Variants in KCNH5 observed in about 807,000 individuals in gnomAD.
KCNH5 encodes the protein voltage-gated delayed rectifier potassium channel KCNH5.
In KCNH5, 46 loss-of-function variants were observed where a neutral mutation model predicts 96.1. The observed-to-expected ratio is 0.48, with a 90% CI of 0.38 to 0.61. The LOEUF is 0.61. Among genes scored for constraint, KCNH5 ranks in the 20% least tolerant of loss-of-function variants. The probability of loss-of-function intolerance (pLI) is 0.00; values close to 1 mark genes in which losing one functional copy is unlikely to be tolerated. For synonymous variants in KCNH5, 439 were observed against 449.8 expected (o/e 0.98, Z 0.30); for missense variants, 907 against 1,225.8 (o/e 0.74, Z 3.88).
chr14:63,033,591 C>T (rs1891668741), intron 1 of KCNH5, among the ~76,000 whole-genome samples: 2 of 152,112 alleles, frequency 1.3e-5, no homozygotes, highest in Non-Finnish European at 2.9e-5. Flanking sequence ...CGCCTGCCTC[C>T]CCTACCAGAC....
intron 10 of KCNH5, among the ~76,000 whole-genome samples, chr14:62,732,679 C>T (rs1885075600): frequency 6.6e-6 from 1 of 152,140 alleles, no homozygotes; most frequent in South Asian, 2.1e-4. Flanking sequence ...TTTTGATGGG[C>T]TTACTTATTG....
chr14:62,851,143 G>T (rs1595654709), intron 7 of KCNH5, among the ~76,000 whole-genome samples: 1 of 152,082 alleles, frequency 6.6e-6, no homozygotes, highest in Non-Finnish European at 1.5e-5. Context: ...TTAAAAAAAT[G>T]GAGTCAGTTT....
In KCNH5 at chr14:62,706,245, A is replaced by G. The variant is rs368644261; in HGVS notation, c.*1263T>C. The G allele has an allele frequency of 6.6e-6, 1 of 152,142 alleles. No homozygotes were observed. The highest frequency in any genetic ancestry group is 2.4e-5 in the African/African-American group (1 of 41,460). The allele number at this position is 152,142 out of a possible 1,614,324, so 9.4% of individuals were successfully genotyped here. A position where few individuals can be genotyped will look rare whatever the true frequency, so the allele number is the denominator to read the frequency against. ...CACAAATGGACCTGCCTGAGCCACA[A>G]TAGCTTATTGAATCAACTCAGCAGA... On this transcript the variant is annotated 3_prime_UTR_variant, in exon 11 of 11. Coordinates refer to ENST00000322893, the MANE Select transcript of KCNH5 (RefSeq NM_139318.5).
At chr14:62,917,136 G>A (rs1393888896) in intron 7 of KCNH5, among the ~76,000 whole-genome samples, 1 of 152,196 alleles carries the variant, frequency 6.6e-6, no homozygotes, top group African/African-American at 2.4e-5. Flanking sequence ...AGAAAATGAT[G>A]ACACTTTGAT....
chr14:63,030,365 G>C (rs771095998), intron 1 of KCNH5, among the ~76,000 whole-genome samples: 37 of 152,132 alleles, frequency 2.4e-4, no homozygotes, highest in Non-Finnish European at 4.7e-4. Context: ...ATCCACAAGG[G>C]GCTAAGACTT....
At chr14:63,037,208 T>C (rs1363370768) in intron 1 of KCNH5, among the ~76,000 whole-genome samples, 1 of 152,202 alleles carries the variant, frequency 6.6e-6, no homozygotes, top group Non-Finnish European at 1.5e-5. Context: ...TTGTATTTTA[T>C]AGATAAGGAA....
intron 4 of KCNH5, among the ~76,000 whole-genome samples, chr14:62,989,547 A>T (rs974336046): frequency 6.6e-6 from 1 of 151,948 alleles, no homozygotes; most frequent in African/African-American, 2.4e-5. Context: ...GTAACTGCAG[A>T]CTCAGTAAAA....
chr14:62,724,848 G>T (rs1034084027), intron 10 of KCNH5, among the ~76,000 whole-genome samples: 5 of 152,110 alleles, frequency 3.3e-5, no homozygotes, highest in Admixed American at 1.3e-4. Context: ...CAATTGCCAA[G>T]AATTGAAACT....
chr14:62,814,938 A>G lies in KCNH5; in HGVS notation c.1570-12357T>C, dbSNP rs1202047763. ...CACTTGCAGATATATATGCAAGAGA[A>G]ATGTCTGTATATATGCAGCGAATCT... On this transcript the variant is annotated intron_variant, in intron 8 of 10. Transcript: ENST00000322893. Among the ~76,000 whole-genome samples the G allele has an allele frequency of 5.9e-5, 9 of 152,232 alleles. No homozygotes were observed. In the East Asian group the frequency reaches 1.7e-3, roughly 29 times the overall value.
At chr14:62,823,428 T>C (rs1467067629) in intron 8 of KCNH5, among the ~76,000 whole-genome samples, 1 of 152,072 alleles carries the variant, frequency 6.6e-6, no homozygotes, top group African/African-American at 2.4e-5. Flanking sequence ...CACTGAGAGA[T>C]TGGGGGTATG....
At chr14:63,017,243 T>C (rs1891343465) in intron 1 of KCNH5, among the ~76,000 whole-genome samples, 1 of 151,996 alleles carries the variant, frequency 6.6e-6, no homozygotes, top group Non-Finnish European at 1.5e-5. Flanking sequence ...CAAAGTGTAG[T>C]TAGTAATAAA....
intron 8 of KCNH5, among the ~76,000 whole-genome samples, chr14:62,832,813 G>C (rs1360836391): frequency 6.6e-6 from 1 of 152,148 alleles, no homozygotes; most frequent in African/African-American, 2.4e-5. Flanking sequence ...GCAGTTGACA[G>C]GTAATATCTC....
intron 4 of KCNH5, among the ~76,000 whole-genome samples, chr14:62,994,738 G>A (rs886079991): frequency 6.6e-6 from 1 of 151,894 alleles, no homozygotes; most frequent in Non-Finnish European, 1.5e-5. Flanking sequence ...GGGCAGCATG[G>A]GTGCAATAGA....
At chr14:62,804,016 G>A (rs946003742) in intron 8 of KCNH5, among the ~76,000 whole-genome samples, 1 of 152,106 alleles carries the variant, frequency 6.6e-6, no homozygotes, top group Admixed American at 6.6e-5. Flanking sequence ...GCTTGAAAAT[G>A]TCCCCTGACT....
At chr14:63,005,921 T>C (rs1307353081) in intron 3 of KCNH5, among the ~76,000 whole-genome samples, 1 of 152,198 alleles carries the variant, frequency 6.6e-6, no homozygotes, top group Non-Finnish European at 1.5e-5. Context: ...CAAAAGGCCA[T>C]ATTGGTAGAG....
chr14:63,042,415 C>T (rs567514045), intron 1 of KCNH5, among the ~76,000 whole-genome samples: 2 of 152,122 alleles, frequency 1.3e-5, no homozygotes, highest in East Asian at 3.9e-4. Flanking sequence ...GTTTGGCTGA[C>T]TCTCACTGTA....
At chr14:62,724,314 T>C (rs1210432689) in intron 10 of KCNH5, among the ~76,000 whole-genome samples, 2 of 152,174 alleles carry the variant, frequency 1.3e-5, no homozygotes, top group African/African-American at 4.8e-5. Flanking sequence ...ATGTGATCAC[T>C]ATTCTTTATT....
chr14:62,889,374 G>T (rs1464563098), intron 7 of KCNH5, among the ~76,000 whole-genome samples: 2 of 152,164 alleles, frequency 1.3e-5, no homozygotes, highest in Non-Finnish European at 2.9e-5. Context: ...TCACATGGGG[G>T]CCAAGCCAGG....
chr14:62,796,104 C>T (rs561079184), intron 9 of KCNH5, among the ~76,000 whole-genome samples: 2 of 152,158 alleles, frequency 1.3e-5, no homozygotes, highest in South Asian at 2.1e-4. Flanking sequence ...AAGCCATGCT[C>T]GTAGTTACAT....
Sources: gnomAD v4.1 joint callset for allele counts (sites outside exome capture counted in the v4.1 genomes callset) on GRCh38, gnomAD v4.1.1 for gene constraint, MANE v1.5 for transcripts, NCBI Gene and HGNC (gene_info 2026-07-23, HGNC 2026-07-21) for gene names.